Variants in PDCL2 observed in about 807,000 individuals in gnomAD.
The protein encoded by PDCL2 is phosducin like 2.
A neutral mutation model predicts 30.3 loss-of-function variants in PDCL2; 23 were observed. The observed-to-expected ratio is 0.76, with a 90% confidence interval of 0.55 to 1.08. The LOEUF is 1.08. Among genes scored for constraint, PDCL2 ranks in the 50% least tolerant of loss-of-function variants. The probability of loss-of-function intolerance (pLI) is 0.00; values close to 1 mark genes in which losing one functional copy is unlikely to be tolerated. For synonymous variants in PDCL2, 68 were observed against 86.2 expected (o/e 0.79, Z 1.17); for missense variants, 243 against 282.3 (o/e 0.86, Z 1.00).
At chr4:55,582,497 T>C (rs1004880888) in intron 1 of PDCL2, among the ~76,000 whole-genome samples, 12 of 152,212 alleles carry the variant, frequency 7.9e-5, no homozygotes, top group African/African-American at 2.7e-4. Flanking sequence ...TCCTAAGTCA[T>C]GGAAAATTTG....
Position 55,592,191 on chromosome 4 carries a change from A to G in PDCL2, c.-82T>C. On this transcript the variant is annotated 5_prime_UTR_variant, in exon 1 of 6. Coordinates refer to ENST00000295645, the MANE Select transcript of PDCL2 (RefSeq NM_152401.3). Reference sequence around the variant, plus strand: ...CGGATGGAGACCCGCAGCCTTCTCCAGGCTGGAAGAGCGCCCGCTTCAGGC... The same window carrying G: ...CGGATGGAGACCCGCAGCCTTCTCCGGGCTGGAAGAGCGCCCGCTTCAGGC... The G allele has an allele frequency of 6.4e-7, 1 of 1,569,868 alleles. No homozygotes were observed. The highest frequency in any genetic ancestry group is 1.2e-5 in the South Asian group (1 of 85,226).
intron 1 of PDCL2, among the ~76,000 whole-genome samples, chr4:55,582,980 TA>T (rs1732766652): frequency 6.6e-6 from 1 of 152,226 alleles, no homozygotes; most frequent in East Asian, 1.9e-4. Flanking sequence ...TATTTTATTT[TA>T]TTTTTTTTGA....
At chr4:55,560,144 T>C (rs1732087054) in intron 5 of PDCL2, among the ~76,000 whole-genome samples, 1 of 144,692 alleles carries the variant, frequency 6.9e-6, no homozygotes, top group Non-Finnish European at 1.5e-5. Context: ...ACTACAATGT[T>C]TAAAATATAC....
At chr4:55,580,405 T>C (rs1732679293) in intron 3 of PDCL2, among the ~76,000 whole-genome samples, 1 of 152,166 alleles carries the variant, frequency 6.6e-6, no homozygotes, top group Non-Finnish European at 1.5e-5. Context: ...CTTATTTTAG[T>C]TGTGAAGTAA....
intron 3 of PDCL2, 64 bp from the exon 4 acceptor site, chr4:55,569,925 T>G (rs1732377363): frequency 9.9e-6 from 12 of 1,213,322 alleles, no homozygotes; most frequent in Non-Finnish European, 1.3e-5. Context: ...CATTCTCATA[T>G]GTAATAACAA....
chr4:55,559,149 GT>G (rs1732059280), intron 5 of PDCL2, among the ~76,000 whole-genome samples: 2 of 152,148 alleles, frequency 1.3e-5, no homozygotes, highest in Admixed American at 6.5e-5. Context: ...GAAGATGTGG[GT>G]ATATCTTCAA....
chr4:55,590,292 T>G (rs1294885806), intron 1 of PDCL2, among the ~76,000 whole-genome samples: 2 of 146,282 alleles, frequency 1.4e-5, no homozygotes, highest in Non-Finnish European at 3.0e-5. Context: ...GAGATCAACC[T>G]GGGTTTGGCG....
At chr4:55,560,536 G>C (rs1478815222) in intron 5 of PDCL2, among the ~76,000 whole-genome samples, 1 of 152,114 alleles carries the variant, frequency 6.6e-6, no homozygotes, top group Non-Finnish European at 1.5e-5. Context: ...GATTACTTGA[G>C]CCTGAGAAGT....
chr4:55,578,291 G>C (rs1721439215), intron 3 of PDCL2, among the ~76,000 whole-genome samples: 1 of 152,144 alleles, frequency 6.6e-6, no homozygotes, highest in Non-Finnish European at 1.5e-5. Flanking sequence ...ATATTTGGAG[G>C]AAAAGGTCCT....
chr4:55,566,197 G>A (rs368732913), intron 4 of PDCL2, among the ~76,000 whole-genome samples: 1 of 151,498 alleles, frequency 6.6e-6, no homozygotes, highest in East Asian at 1.9e-4. Context: ...GGCCAGGCTG[G>A]TCTCAAACTC....
At chr4:55,590,318 A>C (rs1029527413) in intron 1 of PDCL2, among the ~76,000 whole-genome samples, 2 of 146,146 alleles carry the variant, frequency 1.4e-5, no homozygotes, top group Admixed American at 6.8e-5. Context: ...CCATCTCTAC[A>C]AAAAAAAAAA....
intron 3 of PDCL2, among the ~76,000 whole-genome samples, chr4:55,577,833 A>G (rs2110163267): frequency 6.6e-6 from 1 of 152,236 alleles, no homozygotes; most frequent in Admixed American, 6.5e-5. Context: ...GGCTTCCTCA[A>G]GTACATTTTC....
At chr4:55,579,655 G>A (rs976208479) in intron 3 of PDCL2, among the ~76,000 whole-genome samples, 2 of 152,138 alleles carry the variant, frequency 1.3e-5, no homozygotes, top group African/African-American at 2.4e-5. Flanking sequence ...CATTGCTCCT[G>A]GAGTATGGCT....
chr4:55,585,549 C>T (rs1732837417), intron 1 of PDCL2, among the ~76,000 whole-genome samples: 1 of 152,006 alleles, frequency 6.6e-6, no homozygotes, highest in Middle Eastern at 3.4e-3. Flanking sequence ...CACAGACACA[C>T]ACACACACAC....
chr4:55,591,390 T>C (rs1223795614), intron 1 of PDCL2, among the ~76,000 whole-genome samples: 1 of 151,728 alleles, frequency 6.6e-6, no homozygotes, highest in African/African-American at 2.4e-5. Flanking sequence ...AGTTTTTGTT[T>C]GTTTGTTTGT....
chr4:55,571,112 T>C (rs1732411877), intron 3 of PDCL2, among the ~76,000 whole-genome samples: 1 of 152,120 alleles, frequency 6.6e-6, no homozygotes. Context: ...AGATAGCCTC[T>C]ACAGCCCAGA....
intron 5 of PDCL2, among the ~76,000 whole-genome samples, chr4:55,558,923 C>T (rs556718979): frequency 6.6e-6 from 1 of 152,202 alleles, no homozygotes; most frequent in Admixed American, 6.5e-5. Flanking sequence ...AACATATGCA[C>T]ACACACGCAC....
intron 1 of PDCL2, among the ~76,000 whole-genome samples, chr4:55,588,989 C>T (rs1453500895): frequency 6.6e-6 from 1 of 152,004 alleles, no homozygotes; most frequent in African/African-American, 2.4e-5. Flanking sequence ...TCCCAAGTAG[C>T]TGGGACCACA....
At chr4:55,572,604 G>T (rs889830110) in intron 3 of PDCL2, among the ~76,000 whole-genome samples, 2 of 152,090 alleles carry the variant, frequency 1.3e-5, no homozygotes, top group African/African-American at 4.8e-5. Flanking sequence ...CCAAACCTCA[G>T]CATCATGCAA....
Sources: gnomAD v4.1 joint callset for allele counts (sites outside exome capture counted in the v4.1 genomes callset) on GRCh38, gnomAD v4.1.1 for gene constraint, MANE v1.5 for transcripts, NCBI Gene and HGNC (gene_info 2026-07-23, HGNC 2026-07-21) for gene names.